TTC39B: variants seen among roughly 807,000 people sequenced by gnomAD.
The protein encoded by TTC39B is tetratricopeptide repeat protein 39B.
Under a neutral mutation model 96.6 loss-of-function variants are expected in TTC39B, and 92 were observed. The observed-to-expected ratio is 0.95, with a 90% confidence interval of 0.80 to 1.13. The LOEUF (loss-of-function observed/expected upper bound fraction) is 1.13. Ranked by LOEUF, TTC39B falls within the 50% of genes most tolerant of loss-of-function variation. The pLI, the probability that TTC39B is intolerant of heterozygous loss-of-function variation, is 0.00. For synonymous variants in TTC39B, 367 were observed against 299.4 expected (o/e 1.23, Z -2.33); for missense variants, 955 against 809.3 (o/e 1.18, Z -2.18).
At chr9:15,268,517 C>T (rs181570265) in intron 1 of TTC39B, among the ~76,000 whole-genome samples, 109 of 152,286 alleles carry the variant, frequency 7.2e-4, no homozygotes, top group African/African-American at 2.5e-3. Context: ...ACCACACACA[C>T]ACTCCACACT....
chr9:15,265,955 G>T (rs180940857), intron 2 of TTC39B, among the ~76,000 whole-genome samples: 1 of 152,210 alleles, frequency 6.6e-6, no homozygotes, highest in Non-Finnish European at 1.5e-5. Flanking sequence ...GCCAAGAGGA[G>T]CCTAAGGGGA....
At chr9:15,207,205 T>C (rs1298674322) in intron 6 of TTC39B, among the ~76,000 whole-genome samples, 1 of 152,106 alleles carries the variant, frequency 6.6e-6, no homozygotes, top group African/African-American at 2.4e-5. Flanking sequence ...AGTGTGAAAA[T>C]GGACTAATAC....
rs560298978 is a variant in TTC39B at position 15,223,974 on chromosome 9, C to T, written c.371+1943G>A. Reference sequence around the variant, plus strand: ...ATTTCCTCTTTTATATAACTTTAACCTCTTCCTCTCTTTGACTCCTTCCCG... The same window carrying T: ...ATTTCCTCTTTTATATAACTTTAACTTCTTCCTCTCTTTGACTCCTTCCCG... On this transcript the variant is annotated intron_variant, in intron 3 of 19. Transcript: ENST00000512701. 3.4e-4 allele frequency among the ~76,000 whole-genome samples: 51 copies of T among 152,232 alleles called. 1 individual carries two copies. The South Asian group carries it at 8.5e-3, about 25-fold the overall frequency.
chr9:15,186,992 G>A, exon 15 of TTC39B: 2 of 1,613,328 alleles, frequency 1.2e-6, no homozygotes, highest in African/African-American at 1.3e-5. Context: ...ATCCTCCTCT[G>A]GAAGCATACT....
chr9:15,273,433 C>T (rs1188190118), intron 1 of TTC39B, among the ~76,000 whole-genome samples: 5 of 152,126 alleles, frequency 3.3e-5, no homozygotes, highest in Admixed American at 1.3e-4. Context: ...AAAGCTGTAT[C>T]GCTTCTCTAG....
intron 19 of TTC39B, among the ~76,000 whole-genome samples, chr9:15,173,399 G>T (rs1349507405): frequency 6.6e-6 from 1 of 152,102 alleles, no homozygotes; most frequent in Non-Finnish European, 1.5e-5. Context: ...TCCTAAAAGA[G>T]TTGCCTAAAG....
chr9:15,249,412 C>T (rs1288528553), intron 2 of TTC39B: 1 of 152,592 alleles, frequency 6.6e-6, no homozygotes, highest in African/African-American at 2.4e-5. Flanking sequence ...GGACAATCAA[C>T]ACATGCTATT....
At chr9:15,194,119 T>C (rs1283467582) in intron 8 of TTC39B, among the ~76,000 whole-genome samples, 1 of 152,186 alleles carries the variant, frequency 6.6e-6, no homozygotes. Context: ...TATTTGTAAA[T>C]CTGAGTGACG....
In TTC39B at chr9:15,287,969, A is replaced by AAC. The variant is rs1554633425; in HGVS notation, c.240+19114_240+19115insGT. 3.5e-3 allele frequency among the ~76,000 whole-genome samples: 392 copies of AAC among 110,674 alleles called. 5 individuals carry two copies. Among genetic ancestry groups the AAC allele is most frequent in the South Asian group, 9.2e-3 (27 of 2,934 alleles). The allele number at this position is 110,674 out of a possible 152,430, so 72.6% of individuals were successfully genotyped here. On this transcript the variant is annotated intron_variant, in intron 1 of 19. Transcript: ENST00000512701. ...TCAAAAAAAAAAAAAAAAAAAAAAA[A>AAC]CATAAAAAAATGATTCTTTCTAAGC... is the stretch of plus-strand genomic sequence containing the variant.
intron 1 of TTC39B, among the ~76,000 whole-genome samples, chr9:15,303,734 C>T (rs545274820): frequency 1.6e-4 from 24 of 151,888 alleles, no homozygotes; most frequent in African/African-American, 5.1e-4. Flanking sequence ...CAGGTTCAAG[C>T]GATTCTCCTG....
At chr9:15,167,026 A>G (rs1268785735) in exon 20 of TTC39B, 2 of 11,586 alleles carry the variant, frequency 1.7e-4, no homozygotes, top group Non-Finnish European at 1.4e-4. Context: ...ATATATATAT[A>G]TATTTTTTTT....
At position 15,167,005 on chromosome 9, in the gene TTC39B, TATATATATATATATATATA is replaced by T. The variant is rs1418532650; in HGVS notation, c.*4995_*5013del. The T allele has an allele frequency of 9.5e-3, 73 of 7,684 alleles. 10 individuals are homozygous for T. The highest frequency in any genetic ancestry group is 0.02 in the African/African-American group (46 of 2,334). The allele number at this position is 7,684 out of a possible 1,614,324, so 0.5% of individuals were successfully genotyped here. A position where few individuals can be genotyped will look rare whatever the true frequency, so the allele number is the denominator to read the frequency against. ...TTTTATATATATATATATATATATA[TATATATATATATATATATA>T]TATATTTTTTTTTTTTTTTTTTTTT... is the stretch of plus-strand genomic sequence containing the variant. On this transcript the variant is annotated 3_prime_UTR_variant, in exon 20 of 20. Coordinates refer to ENST00000512701, the Ensembl canonical transcript of TTC39B.
At chr9:15,266,369 G>T (rs752272511) in intron 2 of TTC39B, among the ~76,000 whole-genome samples, 1 of 151,648 alleles carries the variant, frequency 6.6e-6, no homozygotes, top group Non-Finnish European at 1.5e-5. Flanking sequence ...AAAGATTAGG[G>T]TATATATAAT....
intron 6 of TTC39B, among the ~76,000 whole-genome samples, chr9:15,206,082 T>C (rs1053719931): frequency 5.9e-5 from 9 of 152,134 alleles, no homozygotes; most frequent in African/African-American, 2.2e-4. Flanking sequence ...AAGAGCAGCA[T>C]GGGGATGTGA....
intron 2 of TTC39B, among the ~76,000 whole-genome samples, chr9:15,236,078 C>A (rs143504488): frequency 6.6e-6 from 1 of 152,108 alleles, no homozygotes; most frequent in East Asian, 1.9e-4. Context: ...AGTGACCCAC[C>A]TACTGGCTAA....
At chr9:15,189,177 G>A (rs777501049) in intron 13 of TTC39B, among the ~76,000 whole-genome samples, 3 of 152,154 alleles carry the variant, frequency 2.0e-5, no homozygotes, top group Non-Finnish European at 4.4e-5. Context: ...GAGGGAATTC[G>A]TTTTTTGAGG....
At chr9:15,275,645 G>A (rs981044447) in intron 1 of TTC39B, among the ~76,000 whole-genome samples, 24 of 152,216 alleles carry the variant, frequency 1.6e-4, no homozygotes, top group Admixed American at 1.3e-3. Flanking sequence ...CACTTCATCA[G>A]GAGATAGAGG....
chr9:15,251,041 C>CA (rs1822513331), intron 2 of TTC39B, among the ~76,000 whole-genome samples: 1 of 151,736 alleles, frequency 6.6e-6, no homozygotes, highest in Non-Finnish European at 1.5e-5. Context: ...ACTAAAAATA[C>CA]AAAAATTAGC....
intron 1 of TTC39B, among the ~76,000 whole-genome samples, chr9:15,295,787 A>G (rs1215402091): frequency 6.6e-6 from 1 of 152,184 alleles, no homozygotes; most frequent in East Asian, 1.9e-4. Flanking sequence ...GGGAAGCCAG[A>G]ATCTAAGCCC....
Sources: allele counts gnomAD v4.1 joint callset (sites outside exome capture counted in the v4.1 genomes callset), GRCh38; gene constraint gnomAD v4.1.1; transcripts MANE v1.5; gene names NCBI Gene and HGNC (gene_info 2026-07-23, HGNC 2026-07-21).